Variants in MYO16 observed in about 807,000 individuals in gnomAD.
The protein encoded by MYO16 is unconventional myosin-XVI.
MYO16 carries 94 observed loss-of-function variants against 205.3 expected under a neutral mutation model. The observed-to-expected ratio is 0.46, with a 90% CI of 0.39 to 0.54. MYO16 has a LOEUF of 0.54. Among genes scored for constraint, MYO16 ranks in the 20% least tolerant of loss-of-function variants. The probability of loss-of-function intolerance (pLI) is 0.00; values close to 1 mark genes in which losing one functional copy is unlikely to be tolerated. For synonymous variants in MYO16, 988 were observed against 954.0 expected (o/e 1.04, Z -0.66); for missense variants, 2,315 against 2,387.5 (o/e 0.97, Z 0.63).
chr13:108,713,916 T>A lies in MYO16; in HGVS notation c.363+1185T>A, dbSNP rs977069226. Among the ~76,000 whole-genome samples the A allele has an allele frequency of 7.9e-5, 12 of 152,334 alleles. No individual in the cohort carries two copies. The South Asian group carries it at 2.5e-3, about 32-fold the overall frequency. ...ATCCTCATATGGCTTCCATGATATTTTCAAGGAGCCATGTCTCATTAGTCC... is the reference window on the plus strand; with the variant it reads ...ATCCTCATATGGCTTCCATGATATTATCAAGGAGCCATGTCTCATTAGTCC... On this transcript the variant is annotated intron_variant, in intron 3 of 34. Transcript: ENST00000457511.
chr13:109,057,519 G>A (rs974195017), intron 27 of MYO16, among the ~76,000 whole-genome samples: 1 of 152,046 alleles, frequency 6.6e-6, no homozygotes, highest in Non-Finnish European at 1.5e-5. Context: ...TTTTGGACAG[G>A]AGTCATAGTA....
intron 1 of MYO16, among the ~76,000 whole-genome samples, chr13:108,605,608 GA>G (rs1235005190): frequency 1.3e-5 from 2 of 152,188 alleles, no homozygotes; most frequent in African/African-American, 4.8e-5. Context: ...ATCATGTGAA[GA>G]AGGACTTGTT....
chr13:108,655,357 C>T (rs1881195865), intron 1 of MYO16, among the ~76,000 whole-genome samples: 1 of 152,202 alleles, frequency 6.6e-6, no homozygotes, highest in African/African-American at 2.4e-5. Context: ...GCAGCTTCCA[C>T]ATGATGTTGA....
chr13:108,564,869 T>C, the MYO16 span, among the ~76,000 whole-genome samples: 6 of 152,328 alleles, frequency 3.9e-5, no homozygotes, highest in Non-Finnish European at 5.9e-5. Context: ...TTCATTCGTA[T>C]GGATATCCAG....
intron 28 of MYO16, among the ~76,000 whole-genome samples, chr13:109,107,524 A>G (rs1428374456): frequency 2.0e-5 from 3 of 152,086 alleles, no homozygotes; most frequent in Middle Eastern, 3.4e-3. Context: ...TAAAGTTTTA[A>G]CTACCTCTCA....
chr13:108,968,728 C>T (rs1387751084), intron 20 of MYO16, among the ~76,000 whole-genome samples: 1 of 152,132 alleles, frequency 6.6e-6, no homozygotes, highest in South Asian at 2.1e-4. Flanking sequence ...CACCATGAAC[C>T]AGTTGCTCCT....
At chr13:108,754,481 G>A (rs1885356165) in intron 4 of MYO16, among the ~76,000 whole-genome samples, 1 of 152,060 alleles carries the variant, frequency 6.6e-6, no homozygotes, top group Non-Finnish European at 1.5e-5. Flanking sequence ...CAACATTTTT[G>A]AGCATGAATA....
chr13:108,793,380 TTGAA>T (rs370969801), intron 5 of MYO16, 132 bp from the exon 6 acceptor site: 9 of 710,526 alleles, frequency 1.3e-5, no homozygotes, highest in African/African-American at 8.7e-5. Context: ...AATCAATTCT[TTGAA>T]TGAGTGTTCA....
chr13:108,946,712 A>G (rs1882955793), intron 16 of MYO16, among the ~76,000 whole-genome samples: 1 of 152,168 alleles, frequency 6.6e-6, no homozygotes, highest in African/African-American at 2.4e-5. Flanking sequence ...CCAATAGCCA[A>G]GAGGGTATGG....
At chr13:108,765,522 G>A (rs79555073) in intron 4 of MYO16, among the ~76,000 whole-genome samples, 12,038 of 152,138 alleles carry the variant, frequency 0.079, 611 homozygotes, top group Non-Finnish European at 0.12. Context: ...TCTTTTAGAT[G>A]GTTCTCCTGG....
At chr13:108,582,105 G>T in the MYO16 span, among the ~76,000 whole-genome samples, 3 of 152,002 alleles carry the variant, frequency 2.0e-5, no homozygotes, top group Admixed American at 6.6e-5. Context: ...ATGAAGAAAA[G>T]ATTTTCCTAA....
At chr13:108,666,640 T>A (rs1881745607) in intron 2 of MYO16, among the ~76,000 whole-genome samples, 1 of 152,128 alleles carries the variant, frequency 6.6e-6, no homozygotes, top group Non-Finnish European at 1.5e-5. Context: ...GCTATGGAAT[T>A]TGTTCATCCT....
intron 32 of MYO16, among the ~76,000 whole-genome samples, chr13:109,148,854 G>A (rs79514377): frequency 0.016 from 2,366 of 152,274 alleles, 60 homozygotes; most frequent in African/African-American, 0.052. Context: ...TGTTAGAGGC[G>A]GATGATGGGT....
intron 16 of MYO16, among the ~76,000 whole-genome samples, chr13:108,942,626 C>T (rs931519228): frequency 6.6e-6 from 1 of 152,122 alleles, no homozygotes; most frequent in Non-Finnish European, 1.5e-5. Flanking sequence ...GTATATCTTA[C>T]TGTAATTTCG....
chr13:108,935,114 T>G (rs57359509), intron 16 of MYO16, among the ~76,000 whole-genome samples: 6,908 of 152,264 alleles, frequency 0.045, 301 homozygotes, highest in Admixed American at 0.13. Flanking sequence ...GCTCTTTTTT[T>G]GTTTCATATG....
At chr13:108,540,563 C>T in the MYO16 span, among the ~76,000 whole-genome samples, 6 of 152,098 alleles carry the variant, frequency 3.9e-5, no homozygotes, top group Non-Finnish European at 5.9e-5. Context: ...TTATACATAA[C>T]AAATTTCATA....
At chr13:108,698,451 A>T (rs1156403085) in intron 2 of MYO16, among the ~76,000 whole-genome samples, 3 of 152,174 alleles carry the variant, frequency 2.0e-5, no homozygotes, top group Non-Finnish European at 4.4e-5. Context: ...AAATCTTGTG[A>T]TCCTGTGGAT....
intron 12 of MYO16, 128 bp from the exon 13 acceptor site, chr13:108,882,931 C>G (rs1594367471): frequency 3.1e-6 from 4 of 1,294,944 alleles, no homozygotes; most frequent in Non-Finnish European, 4.2e-6. Flanking sequence ...TTTTTACATA[C>G]CAATGAGATT....
intron 1 of MYO16, among the ~76,000 whole-genome samples, chr13:108,640,602 T>C (rs985160387): frequency 2.6e-5 from 4 of 152,176 alleles, no homozygotes; most frequent in Admixed American, 1.3e-4. Context: ...CTTCCTCATC[T>C]TTGGAAAGTG....
Sources: gnomAD v4.1 joint callset for allele counts (sites outside exome capture counted in the v4.1 genomes callset) on GRCh38, gnomAD v4.1.1 for gene constraint, MANE v1.5 for transcripts, NCBI Gene and HGNC (gene_info 2026-07-23, HGNC 2026-07-21) for gene names.